Variants in RASA1 observed in about 807,000 individuals in gnomAD.
RASA1 encodes RAS p21 protein activator 1.
A neutral mutation model predicts 132.2 loss-of-function variants in RASA1; 25 were observed. That is an observed-to-expected ratio of 0.19 (90% CI 0.14 to 0.26). The LOEUF is 0.26. RASA1 is among the 10% of genes least tolerant of loss of function. The probability of loss-of-function intolerance (pLI) is 1.00; values close to 1 mark genes in which losing one functional copy is unlikely to be tolerated. For missense variants in RASA1, 964 were observed against 1,299.2 expected (o/e 0.74, Z 3.97); for synonymous variants, 477 against 449.9 (o/e 1.06, Z -0.76).
chr5:87,334,630 C>T (rs1305041221), intron 4 of RASA1, among the ~76,000 whole-genome samples: 1 of 152,176 alleles, frequency 6.6e-6, no homozygotes, highest in Non-Finnish European at 1.5e-5. Flanking sequence ...GGTAAAACTG[C>T]TGGTGCCTTA....
At position 87,391,757 on chromosome 5, in the gene RASA1, C is replaced by G. The variant is rs1762542251; in HGVS notation, c.*874C>G. On this transcript the variant is annotated 3_prime_UTR_variant, in exon 25 of 25. Transcript: ENST00000274376. ...GCTACCCCTTTGATTATGCAGACAA[C>G]CTCATCAGCTGCCTAACTTATCCAT... 2 of 232,322 alleles carry G rather than the reference C, an allele frequency of 8.6e-6. No homozygotes were observed. The highest frequency in any genetic ancestry group is 1.7e-5 in the Non-Finnish European group (2 of 117,444). 14.4% of individuals were successfully genotyped at this position (232,322 alleles called of 1,614,324 possible).
intron 1 of RASA1, among the ~76,000 whole-genome samples, chr5:87,322,142 G>T (rs1258506346): frequency 6.6e-6 from 1 of 152,136 alleles, no homozygotes; most frequent in Non-Finnish European, 1.5e-5. Context: ...ATGAGTTCAA[G>T]TGAGAGCTGG....
rs752466884 is a variant in RASA1 at position 87,376,883 on chromosome 5, T to C, written c.2187T>C (p.Leu729=). Residue 729 remains leucine, a splice_region_variant and synonymous_variant, in exon 17 of 25, where the codon CTT becomes CTC. Transcript: ENST00000274376. The stretch of plus-strand genomic sequence containing the variant: ...AATCTTTTAAAATGTCATTTTAGCT[T>C]ATACTGCAAAAGGAACTTCATGTAG... ...PEEEYSEFKE[L]ILQKELHVVY... 6.2e-7 allele frequency: 1 copy of C among 1,601,592 alleles called. No homozygotes were observed. The highest frequency in any genetic ancestry group is 8.6e-7 in the Non-Finnish European group (1 of 1,168,590).
At chr5:87,318,128 A>G (rs184405548) in intron 1 of RASA1, among the ~76,000 whole-genome samples, 2 of 152,276 alleles carry the variant, frequency 1.3e-5, no homozygotes, top group Admixed American at 6.5e-5. Flanking sequence ...GTGCTTTCAT[A>G]TATCATATAG....
chr5:87,342,162 C>CT lies in RASA1; in HGVS notation c.1049+856dup, dbSNP rs531793273. The stretch of plus-strand genomic sequence containing the variant: ...TTCAAATTCTTTTTTGTTATTTTTT[C>CT]TTTTTTTTTTTTTTTGAGACAGAGT... On this transcript the variant is annotated intron_variant, in intron 6 of 24. Coordinates refer to ENST00000274376, the MANE Select transcript of RASA1 (RefSeq NM_002890.3). Among the ~76,000 whole-genome samples, 1,093 of 139,732 alleles carry CT rather than the reference C, an allele frequency of 7.8e-3. 11 individuals carry two copies. Among genetic ancestry groups the CT allele is most frequent in the South Asian group, 0.023 (100 of 4,440 alleles). 91.7% of individuals were successfully genotyped at this position (139,732 alleles called of 152,430 possible). A position where few individuals can be genotyped will look rare whatever the true frequency, so the allele number is the denominator to read the frequency against.
At chr5:87,307,636 T>G (rs1181118635) in intron 1 of RASA1, among the ~76,000 whole-genome samples, 2 of 152,260 alleles carry the variant, frequency 1.3e-5, no homozygotes, top group African/African-American at 2.4e-5. Flanking sequence ...TGTTATAGCC[T>G]TCTGTCTGTA....
intron 9 of RASA1, among the ~76,000 whole-genome samples, chr5:87,361,821 TA>T (rs1337044415): frequency 6.6e-6 from 1 of 152,026 alleles, no homozygotes; most frequent in African/African-American, 2.4e-5. Flanking sequence ...GAACCTAATA[TA>T]AATATGTTGC....
chr5:87,279,110 G>A (rs989353778), intron 1 of RASA1, among the ~76,000 whole-genome samples: 2 of 152,038 alleles, frequency 1.3e-5, no homozygotes, highest in Non-Finnish European at 2.9e-5. Context: ...TGTTCGTGGT[G>A]TTGCACACCA....
intron 1 of RASA1, among the ~76,000 whole-genome samples, chr5:87,312,964 A>G (rs575198995): frequency 7.4e-4 from 112 of 152,368 alleles, no homozygotes; most frequent in African/African-American, 2.5e-3. Context: ...TTATTGAAGG[A>G]AAATGATACT....
intron 13 of RASA1, 33 bp downstream of exon 13, chr5:87,372,228 C>G: frequency 6.3e-7 from 1 of 1,579,124 alleles, no homozygotes; most frequent in Non-Finnish European, 8.7e-7. Flanking sequence ...TTTTAATTGT[C>G]ACATTTTGCT....
At chr5:87,271,730 C>T (rs1260477379) in intron 1 of RASA1, among the ~76,000 whole-genome samples, 1 of 151,658 alleles carries the variant, frequency 6.6e-6, no homozygotes, top group Non-Finnish European at 1.5e-5. Context: ...GATCCACTTG[C>T]CTCCCGAAGT....
Position 87,315,686 on chromosome 5 carries a change from A to G in RASA1, c.540-15662A>G, listed in dbSNP as rs181515081. Among the ~76,000 whole-genome samples the G allele has an allele frequency of 1.8e-3, 279 of 152,348 alleles. 1 individual carries two copies. Among genetic ancestry groups the G allele is most frequent in the Non-Finnish European group, 2.2e-3 (153 of 68,030 alleles). On this transcript the variant is annotated intron_variant, in intron 1 of 24. Coordinates refer to ENST00000274376, the MANE Select transcript of RASA1 (RefSeq NM_002890.3). Reference sequence around the variant, plus strand: ...AATGTTTAATATGGGAGAGGGTTGAACAACTGCTGTCAAGATTATTTTATG... The same window carrying G: ...AATGTTTAATATGGGAGAGGGTTGAGCAACTGCTGTCAAGATTATTTTATG...
intron 1 of RASA1, among the ~76,000 whole-genome samples, chr5:87,326,688 A>G (rs776730732): frequency 6.6e-6 from 1 of 152,146 alleles, no homozygotes. Context: ...CAACACCCAA[A>G]ATATACACAC....
At chr5:87,334,443 C>A (rs1405820841) in intron 4 of RASA1, among the ~76,000 whole-genome samples, 1 of 152,178 alleles carries the variant, frequency 6.6e-6, no homozygotes, top group African/African-American at 2.4e-5. Flanking sequence ...TCCAGAAACA[C>A]CCTCACAGAG....
chr5:87,305,949 T>C (rs952321932), intron 1 of RASA1, among the ~76,000 whole-genome samples: 1 of 152,178 alleles, frequency 6.6e-6, no homozygotes, highest in African/African-American at 2.4e-5. Context: ...ATGGGTGTTA[T>C]TAAGAAGTCA....
At chr5:87,314,025 C>T (rs966128347) in intron 1 of RASA1, among the ~76,000 whole-genome samples, 9 of 151,902 alleles carry the variant, frequency 5.9e-5, no homozygotes, top group Non-Finnish European at 1.0e-4. Context: ...AAAAATGAGC[C>T]AGGCGTGGTG....
intron 1 of RASA1, among the ~76,000 whole-genome samples, chr5:87,311,137 ACTT>A (rs1755886188): frequency 6.6e-6 from 1 of 152,178 alleles, no homozygotes; most frequent in Non-Finnish European, 1.5e-5. Flanking sequence ...TGAACTAGCC[ACTT>A]CTTTTATGAC....
chr5:87,287,006 A>G (rs1026530345), intron 1 of RASA1, among the ~76,000 whole-genome samples: 7 of 147,036 alleles, frequency 4.8e-5, no homozygotes, highest in Admixed American at 1.4e-4. Flanking sequence ...TATATATACC[A>G]TATATATACA....
intron 5 of RASA1, among the ~76,000 whole-genome samples, chr5:87,338,507 A>ATG (rs1758150956): frequency 1.1e-5 from 1 of 88,484 alleles, no homozygotes; most frequent in Admixed American, 1.1e-4. Context: ...AATTTTATAT[A>ATG]TATATATATA....
Sources: allele counts gnomAD v4.1 joint callset (sites outside exome capture counted in the v4.1 genomes callset), GRCh38; gene constraint gnomAD v4.1.1; transcripts MANE v1.5; gene names NCBI Gene and HGNC (gene_info 2026-07-23, HGNC 2026-07-21).